The following GMDS variants were observed in gnomAD, a reference collection of about 807,000 sequenced individuals.
GMDS encodes GDP-mannose 4,6-dehydratase.
GMDS carries 20 observed loss-of-function variants against 49.9 expected under a neutral mutation model. The observed-to-expected ratio is 0.40, with a 90% CI of 0.28 to 0.58. GMDS has a LOEUF of 0.58. GMDS is among the 20% of genes least tolerant of loss of function. The probability of loss-of-function intolerance (pLI) is 0.42; values close to 1 mark genes in which losing one functional copy is unlikely to be tolerated. For missense variants in GMDS, 362 were observed against 481.4 expected, an observed-to-expected ratio of 0.75 and a Z score of 2.32; for synonymous variants, 177 against 178.6, an observed-to-expected ratio of 0.99 and a Z score of 0.07.
chr6:2,114,353 TA>T (rs1774723717), intron 4 of GMDS, among the ~76,000 whole-genome samples: 1 of 152,174 alleles, frequency 6.6e-6, no homozygotes, highest in African/African-American at 2.4e-5. Flanking sequence ...AGATGACTTA[TA>T]ATGTGGAAGA....
At chr6:2,047,586 T>C (rs1019680305) in intron 4 of GMDS, among the ~76,000 whole-genome samples, 27 of 152,164 alleles carry the variant, frequency 1.8e-4, no homozygotes, top group African/African-American at 6.3e-4. Flanking sequence ...CCTCCTGGGT[T>C]CCAGCGATTC....
intron 6 of GMDS, among the ~76,000 whole-genome samples, chr6:1,937,020 T>C (rs1762587613): frequency 6.6e-6 from 1 of 152,108 alleles, no homozygotes; most frequent in Admixed American, 6.5e-5. Context: ...GCATATCTTT[T>C]GTCCTTTATA....
intron 4 of GMDS, among the ~76,000 whole-genome samples, chr6:1,999,903 AAT>A (rs1283496163): frequency 2.0e-5 from 2 of 100,446 alleles, no homozygotes; most frequent in East Asian, 5.5e-4. Flanking sequence ...CGATATATAT[AAT>A]ATATATATTA....
chr6:2,027,782 T>C (rs760507274), intron 4 of GMDS, among the ~76,000 whole-genome samples: 16 of 152,184 alleles, frequency 1.1e-4, no homozygotes, highest in Non-Finnish European at 1.9e-4. Flanking sequence ...TAAAAATATA[T>C]TTTTAACGGA....
intron 1 of GMDS, among the ~76,000 whole-genome samples, chr6:2,209,124 G>A (rs963435310): frequency 2.0e-5 from 3 of 152,176 alleles, no homozygotes; most frequent in Admixed American, 6.5e-5. Context: ...ATAAGCCCAT[G>A]ACTCCATAAT....
In GMDS at chr6:1,644,623, G is replaced by A. The variant is rs923560278; in HGVS notation, c.988-20083C>T. 9.2e-5 allele frequency among the ~76,000 whole-genome samples: 14 copies of A among 152,336 alleles called. No individual in the cohort carries two copies. The East Asian group carries it at 1.2e-3, about 13-fold the overall frequency. On this transcript the variant is annotated intron_variant, in intron 9 of 10. Transcript: ENST00000380815. ...GGGAGGAGCCAGGTACCGTCCCACA[G>A]GGAGCTGCTCTAATCCCTGCTGCCC...
chr6:1,739,529 G>C (rs1767177798), intron 8 of GMDS, among the ~76,000 whole-genome samples: 1 of 152,268 alleles, frequency 6.6e-6, no homozygotes, highest in African/African-American at 2.4e-5. Context: ...GCTCATCCCA[G>C]AATCCTCACA....
intron 9 of GMDS, among the ~76,000 whole-genome samples, chr6:1,654,334 A>C (rs932832543): frequency 6.6e-6 from 1 of 152,238 alleles, no homozygotes; most frequent in African/African-American, 2.4e-5. Flanking sequence ...CATTATTCAA[A>C]ACAGCCAGAA....
intron 1 of GMDS, among the ~76,000 whole-genome samples, chr6:2,242,007 G>T (rs146038116): frequency 6.6e-6 from 1 of 152,270 alleles, no homozygotes; most frequent in East Asian, 1.9e-4. Context: ...GAGGTAACAG[G>T]CTGAAAATGA....
At chr6:1,631,264 A>G (rs1282459857) in intron 9 of GMDS, among the ~76,000 whole-genome samples, 5 of 152,192 alleles carry the variant, frequency 3.3e-5, no homozygotes, top group Non-Finnish European at 7.3e-5. Context: ...GAGATTTTGT[A>G]TCTGTTGCAG....
At chr6:1,641,396 G>A (rs112993241) in intron 9 of GMDS, among the ~76,000 whole-genome samples, 11 of 152,230 alleles carry the variant, frequency 7.2e-5, no homozygotes, top group African/African-American at 2.4e-4. Flanking sequence ...CACAGCCTGC[G>A]TCTCAGAATG....
At chr6:2,026,948 C>T (rs576582700) in intron 4 of GMDS, among the ~76,000 whole-genome samples, 4 of 152,128 alleles carry the variant, frequency 2.6e-5, no homozygotes, top group Non-Finnish European at 5.9e-5. Context: ...TTCCAAGGAA[C>T]ACAGATCATA....
intron 7 of GMDS, among the ~76,000 whole-genome samples, chr6:1,885,229 G>T (rs1038132067): frequency 6.6e-6 from 1 of 152,160 alleles, no homozygotes; most frequent in African/African-American, 2.4e-5. Flanking sequence ...AGAAAAGCCT[G>T]CATGGAAATT....
intron 7 of GMDS, among the ~76,000 whole-genome samples, chr6:1,892,201 T>A (rs931194315): frequency 4.6e-5 from 7 of 151,820 alleles, no homozygotes; most frequent in Non-Finnish European, 7.4e-5. Flanking sequence ...GAAATATATA[T>A]CCAAAGAGAA....
intron 1 of GMDS, among the ~76,000 whole-genome samples, chr6:2,233,617 C>T (rs1337923170): frequency 6.6e-6 from 1 of 152,182 alleles, no homozygotes; most frequent in Non-Finnish European, 1.5e-5. Context: ...GTCAGGAGTT[C>T]TAGACCAGCC....
intron 7 of GMDS, among the ~76,000 whole-genome samples, chr6:1,862,713 C>T (rs1758249283): frequency 6.6e-6 from 1 of 152,208 alleles, no homozygotes; most frequent in African/African-American, 2.4e-5. Context: ...GTTTTATTCA[C>T]ATAGTTCCCT....
At chr6:1,709,717 C>CAAAAAGGCTAT (rs1434727210) in intron 9 of GMDS, among the ~76,000 whole-genome samples, 18 of 152,210 alleles carry the variant, frequency 1.2e-4, no homozygotes, top group Non-Finnish European at 2.2e-4. Context: ...TAGACTGCTG[C>CAAAAAGGCTAT]TTACATGAGA....
At chr6:2,002,410 CA>C (rs1766881408) in intron 4 of GMDS, among the ~76,000 whole-genome samples, 1 of 152,140 alleles carries the variant, frequency 6.6e-6, no homozygotes, top group African/African-American at 2.4e-5. Context: ...AACATACTGT[CA>C]AAAAATGTGT....
chr6:1,746,736 C>T (rs112486214), intron 7 of GMDS, among the ~76,000 whole-genome samples: 1,837 of 152,176 alleles, frequency 0.012, 35 homozygotes, highest in East Asian at 0.056. Context: ...GAATCTTGCT[C>T]TGTCGCCCAG....
Sources: gnomAD v4.1 joint callset for allele counts (sites outside exome capture counted in the v4.1 genomes callset) on GRCh38, gnomAD v4.1.1 for gene constraint, MANE v1.5 for transcripts, NCBI Gene and HGNC (gene_info 2026-07-23, HGNC 2026-07-21) for gene names.